The following CTNNA2 variants were observed in gnomAD, a reference collection of about 807,000 sequenced individuals.
The protein encoded by CTNNA2 is catenin alpha 2, also known as catenin alpha-2.
A neutral mutation model predicts 101.0 loss-of-function variants in CTNNA2; 42 were observed. The observed-to-expected ratio is 0.42, with a 90% CI of 0.32 to 0.54. CTNNA2 has a LOEUF of 0.54. Among genes scored for constraint, CTNNA2 ranks in the 20% least tolerant of loss-of-function variants. The pLI is 0.14. For synonymous variants in CTNNA2, 450 were observed against 456.4 expected, an observed-to-expected ratio of 0.99 and a Z score of 0.18; for missense variants, 871 against 1,223.1, an observed-to-expected ratio of 0.71 and a Z score of 4.29.
At chr2:79,691,511 A>G (rs952435162) in intron 2 of CTNNA2, among the ~76,000 whole-genome samples, 2 of 140,646 alleles carry the variant, frequency 1.4e-5, no homozygotes, top group African/African-American at 3.1e-5. Flanking sequence ...AAACAATTAG[A>G]AAAAAAAAAC....
intron 4 of CTNNA2, among the ~76,000 whole-genome samples, chr2:79,482,123 A>G (rs757049749): frequency 1.3e-5 from 2 of 152,220 alleles, no homozygotes; most frequent in African/African-American, 4.8e-5. Flanking sequence ...AATGAATGCT[A>G]TAATGGATTT....
intron 7 of CTNNA2, among the ~76,000 whole-genome samples, chr2:79,922,956 C>T (rs746961763): frequency 2.0e-5 from 3 of 152,066 alleles, no homozygotes; most frequent in Non-Finnish European, 4.4e-5. Context: ...TTGTGTAGTG[C>T]CCATCTTTTC....
chr2:79,599,975 A>G (rs1201763968), intron 1 of CTNNA2, among the ~76,000 whole-genome samples: 12 of 152,190 alleles, frequency 7.9e-5, no homozygotes, highest in Admixed American at 7.9e-4. Flanking sequence ...GAGAGATTGC[A>G]GAAACAGGTC....
chr2:80,559,336 C>T (rs1385764088), intron 12 of CTNNA2, among the ~76,000 whole-genome samples: 1 of 152,200 alleles, frequency 6.6e-6, no homozygotes, highest in Non-Finnish European at 1.5e-5. Context: ...GGTGTTTACA[C>T]ACAGGCAAAC....
At chr2:79,394,353 C>T (rs1476884533) in intron 4 of CTNNA2, among the ~76,000 whole-genome samples, 2 of 152,116 alleles carry the variant, frequency 1.3e-5, no homozygotes, top group Non-Finnish European at 2.9e-5. Flanking sequence ...CTTTTGTGGA[C>T]TAGAATGATA....
At chr2:80,452,992 G>A (rs1364059325) in intron 9 of CTNNA2, among the ~76,000 whole-genome samples, 1 of 152,068 alleles carries the variant, frequency 6.6e-6, no homozygotes, top group Admixed American at 6.6e-5. Flanking sequence ...TCTAGGCCAG[G>A]TATAGCTGGG....
intron 7 of CTNNA2, among the ~76,000 whole-genome samples, chr2:80,014,587 C>A (rs192232033): frequency 2.8e-3 from 423 of 152,266 alleles, no homozygotes; most frequent in Middle Eastern, 0.014. Flanking sequence ...ATGCCAACAA[C>A]CAACCTGCTT....
At chr2:79,298,510 A>T (rs1411059725) in intron 2 of CTNNA2, among the ~76,000 whole-genome samples, 1 of 152,172 alleles carries the variant, frequency 6.6e-6, no homozygotes, top group Non-Finnish European at 1.5e-5. Flanking sequence ...ATTTGATGTC[A>T]TTCATTGATT....
At chr2:80,493,799 A>T (rs889307876) in intron 9 of CTNNA2, among the ~76,000 whole-genome samples, 1 of 152,240 alleles carries the variant, frequency 6.6e-6, no homozygotes, top group African/African-American at 2.4e-5. Context: ...TGCTGAAAGA[A>T]TAGGCTGATG....
At chr2:80,138,766 TA>T (rs1358637349) in intron 7 of CTNNA2, among the ~76,000 whole-genome samples, 1 of 152,144 alleles carries the variant, frequency 6.6e-6, no homozygotes, top group Non-Finnish European at 1.5e-5. Context: ...ACAATACCAG[TA>T]AAGCATTTCA....
intron 2 of CTNNA2, among the ~76,000 whole-genome samples, chr2:79,685,845 C>T (rs1683896026): frequency 6.6e-6 from 1 of 152,110 alleles, no homozygotes; most frequent in African/African-American, 2.4e-5. Flanking sequence ...TTCTATCCAC[C>T]TTGCAGTTCC....
In CTNNA2 at chr2:80,305,187, T is replaced by C. The variant is rs935038447; in HGVS notation, c.1057-88024T>C. The C allele has an allele frequency of 3.7e-5, 36 of 985,398 alleles. No homozygotes were observed. In the East Asian group the frequency reaches 3.1e-3, roughly 84 times the overall value. 61.0% of individuals were successfully genotyped at this position (985,398 alleles called of 1,614,324 possible). A position where few individuals can be genotyped will look rare whatever the true frequency, so the allele number is the denominator to read the frequency against. On this transcript the variant is annotated intron_variant, in intron 7 of 18. Transcript: ENST00000402739. ...GCTTGGCTAAGATTTTTGGGGTTTTTTCCCCCTCTTGCGGGTACTGGAATT... is the reference window on the plus strand; with the variant it reads ...GCTTGGCTAAGATTTTTGGGGTTTTCTCCCCCTCTTGCGGGTACTGGAATT...
chr2:79,425,233 C>G (rs2104505415), intron 4 of CTNNA2, among the ~76,000 whole-genome samples: 1 of 152,208 alleles, frequency 6.6e-6, no homozygotes, highest in African/African-American at 2.4e-5. Flanking sequence ...TCAAAGGCCC[C>G]AAAGGCTATT....
chr2:79,923,193 AG>A (rs1388526557), intron 7 of CTNNA2, among the ~76,000 whole-genome samples: 1 of 152,168 alleles, frequency 6.6e-6, no homozygotes, highest in Non-Finnish European at 1.5e-5. Context: ...ATATTTTTCA[AG>A]AATACAGAAT....
intron 9 of CTNNA2, among the ~76,000 whole-genome samples, chr2:80,502,288 C>A (rs1298281977): frequency 6.6e-6 from 1 of 152,130 alleles, no homozygotes; most frequent in Non-Finnish European, 1.5e-5. Flanking sequence ...TACTTCTCTG[C>A]AAAATAATGG....
intron 7 of CTNNA2, among the ~76,000 whole-genome samples, chr2:80,212,945 G>T (rs1351708009): frequency 3.3e-5 from 5 of 151,962 alleles, no homozygotes; most frequent in Non-Finnish European, 7.4e-5. Context: ...GTCATGGGAG[G>T]GTGTATGTGT....
At chr2:80,401,036 A>G (rs1393186794) in intron 8 of CTNNA2, among the ~76,000 whole-genome samples, 1 of 152,234 alleles carries the variant, frequency 6.6e-6, no homozygotes, top group Non-Finnish European at 1.5e-5. Flanking sequence ...CTTAGCTTAA[A>G]TGTCACCTTA....
intron 4 of CTNNA2, among the ~76,000 whole-genome samples, chr2:79,869,147 G>A (rs1172030180): frequency 5.3e-5 from 8 of 152,188 alleles, no homozygotes; most frequent in African/African-American, 1.9e-4. Flanking sequence ...CACTGAGACA[G>A]TTTGCAGCGA....
intron 7 of CTNNA2, among the ~76,000 whole-genome samples, chr2:80,189,569 G>A (rs1420006448): frequency 2.0e-5 from 3 of 152,192 alleles, no homozygotes; most frequent in African/African-American, 7.2e-5. Flanking sequence ...GGATCACATT[G>A]TCTAAGCCTA....
Sources: allele counts gnomAD v4.1 joint callset (sites outside exome capture counted in the v4.1 genomes callset), GRCh38; gene constraint gnomAD v4.1.1; transcripts MANE v1.5; gene names NCBI Gene and HGNC (gene_info 2026-07-23, HGNC 2026-07-21).